The following KIF26B variants were observed in gnomAD, a reference collection of about 807,000 sequenced individuals.
The protein encoded by KIF26B is kinesin family member 26B, also known as kinesin-like protein KIF26B.
KIF26B carries 63 observed loss-of-function variants against 151.2 expected under a neutral mutation model. The observed-to-expected ratio is 0.42, with a 90% CI of 0.34 to 0.51. The LOEUF is 0.51. Ranked by LOEUF, KIF26B falls within the 20% of genes least tolerant of loss-of-function variation. The pLI is 0.07. For synonymous variants in KIF26B, 1,357 were observed against 1,262.1 expected, an observed-to-expected ratio of 1.08 and a Z score of -1.59; for missense variants, 2,813 against 2,913.6, an observed-to-expected ratio of 0.97 and a Z score of 0.79.
intron 2 of KIF26B, among the ~76,000 whole-genome samples, chr1:245,235,407 C>A (rs939529392): frequency 6.6e-6 from 1 of 151,612 alleles, no homozygotes; most frequent in African/African-American, 2.4e-5. Flanking sequence ...GTCTCGGCAA[C>A]ATAGCAAGAT....
intron 2 of KIF26B, among the ~76,000 whole-genome samples, chr1:245,337,637 A>G (rs987604355): frequency 4.6e-5 from 7 of 152,116 alleles, no homozygotes; most frequent in African/African-American, 1.7e-4. Flanking sequence ...ACTGACTCAC[A>G]TATAGGAATT....
At position 245,669,337 on chromosome 1, in the gene KIF26B, T is replaced by G. The variant is rs1461836887; in HGVS notation, c.2259-14896T>G. On this transcript the variant is annotated intron_variant, in intron 10 of 14. Transcript: ENST00000407071. ...AGTTAAACTGAAGACTGATGAAGTA[T>G]TCCCTACAAATGAAAAGGCAATCTT... is the stretch of plus-strand genomic sequence containing the variant. 2.6e-5 allele frequency among the ~76,000 whole-genome samples: 4 copies of G among 152,180 alleles called. No homozygotes were observed. The East Asian group carries it at 7.7e-4, about 29-fold the overall frequency.
At chr1:245,197,562 T>C (rs1296090210) in intron 2 of KIF26B, among the ~76,000 whole-genome samples, 3 of 152,184 alleles carry the variant, frequency 2.0e-5, no homozygotes, top group Non-Finnish European at 4.4e-5. Flanking sequence ...GTGTAAGTTA[T>C]TCATTAGGAA....
intron 10 of KIF26B, among the ~76,000 whole-genome samples, chr1:245,681,366 C>T (rs1441255203): frequency 4.6e-5 from 7 of 152,100 alleles, no homozygotes; most frequent in Non-Finnish European, 8.8e-5. Context: ...CCCGCCACCA[C>T]GCCCAGCTAA....
chr1:245,628,840 A>G (rs1715811), intron 9 of KIF26B, among the ~76,000 whole-genome samples: 82,714 of 152,058 alleles, frequency 0.54, 23,143 homozygotes, highest in East Asian at 0.77. Flanking sequence ...CTGATTCTAT[A>G]TTTAGAAAAC....
At chr1:245,655,130 C>T (rs550436215) in intron 10 of KIF26B, among the ~76,000 whole-genome samples, 4 of 152,242 alleles carry the variant, frequency 2.6e-5, no homozygotes, top group East Asian at 3.9e-4. Context: ...AGCTGAGGCC[C>T]GGTGAGATGG....
intron 2 of KIF26B, among the ~76,000 whole-genome samples, chr1:245,184,050 G>GTTGTTTTTTTTTTTTTTTTTT (rs1553332271): frequency 1.1e-3 from 22 of 19,808 alleles, no homozygotes; most frequent in South Asian, 5.7e-3. Context: ...GGGAGTTGTT[G>GTTGTTTTTTTTTTTTTTTTTT]TTTTTTTTTT....
chr1:245,401,445 T>C (rs984407569), intron 3 of KIF26B, among the ~76,000 whole-genome samples: 4 of 152,246 alleles, frequency 2.6e-5, no homozygotes, highest in Admixed American at 1.3e-4. Context: ...TGTAAACCCA[T>C]GTAACTGCAC....
At chr1:245,692,384 C>T (rs2147962769) in intron 12 of KIF26B, among the ~76,000 whole-genome samples, 1 of 152,260 alleles carries the variant, frequency 6.6e-6, no homozygotes, top group South Asian at 2.1e-4. Context: ...AGCATTTAGA[C>T]AAAGCAGGAT....
In KIF26B at chr1:245,418,845, T is replaced by G. The variant is rs945653124; in HGVS notation, c.1000-734T>G. The stretch of plus-strand genomic sequence containing the variant: ...CAACATCCTTGTTTTGCCCCAAAGT[T>G]TGATTCTTCACAGCTTATTACGTAG... On this transcript the variant is annotated intron_variant, in intron 3 of 14. Transcript: ENST00000407071. Among the ~76,000 whole-genome samples the G allele has an allele frequency of 2.0e-5, 3 of 152,192 alleles. No individual in the cohort carries two copies. The East Asian group carries it at 5.8e-4, about 29-fold the overall frequency.
At chr1:245,522,621 T>C (rs10924233) in intron 4 of KIF26B, among the ~76,000 whole-genome samples, 315 of 152,302 alleles carry the variant, frequency 2.1e-3, no homozygotes, top group African/African-American at 6.7e-3. Context: ...TGACAGCTGA[T>C]TTAAGGCTGT....
chr1:245,644,950 C>A (rs2043931321), intron 9 of KIF26B, among the ~76,000 whole-genome samples: 1 of 152,130 alleles, frequency 6.6e-6, no homozygotes, highest in South Asian at 2.1e-4. Flanking sequence ...ACTCAGGAAG[C>A]TTACGATGAT....
intron 4 of KIF26B, among the ~76,000 whole-genome samples, chr1:245,422,400 C>A (rs1030986860): frequency 6.6e-6 from 1 of 151,978 alleles, no homozygotes; most frequent in African/African-American, 2.4e-5. Flanking sequence ...TATTAATAAC[C>A]CCCCTGTCAC....
At chr1:245,313,263 A>G (rs1671699056) in intron 2 of KIF26B, among the ~76,000 whole-genome samples, 2 of 152,222 alleles carry the variant, frequency 1.3e-5, no homozygotes, top group Non-Finnish European at 2.9e-5. Context: ...CCAGATGTCT[A>G]TGGCTTCACT....
At chr1:245,539,841 T>C (rs61319599) in intron 4 of KIF26B, among the ~76,000 whole-genome samples, 5,936 of 152,058 alleles carry the variant, frequency 0.039, 377 homozygotes, top group African/African-American at 0.13. Context: ...TTAGTAGAGA[T>C]GGGGTTTCTC....
At chr1:245,417,964 T>C (rs1674460651) in intron 3 of KIF26B, among the ~76,000 whole-genome samples, 1 of 133,126 alleles carries the variant, frequency 7.5e-6, no homozygotes, top group Non-Finnish European at 1.6e-5. Context: ...ATCAGATGTA[T>C]GTCTTAGATT....
chr1:245,247,757 A>G (rs1231865188), intron 2 of KIF26B, among the ~76,000 whole-genome samples: 1 of 152,246 alleles, frequency 6.6e-6, no homozygotes. Flanking sequence ...ACTAGAAGGC[A>G]GGCCTTGCCC....
intron 2 of KIF26B, among the ~76,000 whole-genome samples, chr1:245,208,887 C>G (rs184684917): frequency 6.6e-6 from 1 of 152,270 alleles, no homozygotes; most frequent in Non-Finnish European, 1.5e-5. Context: ...AAAACGCTGT[C>G]ACTGCTTTCA....
chr1:245,534,003 T>C (rs1661435853), intron 4 of KIF26B, among the ~76,000 whole-genome samples: 1 of 152,158 alleles, frequency 6.6e-6, no homozygotes, highest in Non-Finnish European at 1.5e-5. Context: ...TATTGTCATA[T>C]TGATGCATTA....
Sources: gnomAD v4.1 joint callset for allele counts (sites outside exome capture counted in the v4.1 genomes callset) on GRCh38, gnomAD v4.1.1 for gene constraint, MANE v1.5 for transcripts, NCBI Gene and HGNC (gene_info 2026-07-23, HGNC 2026-07-21) for gene names.